Variants in TRAP1 observed in about 807,000 individuals in gnomAD.
TRAP1 encodes the protein heat shock protein 75 kDa, mitochondrial.
TRAP1 carries 102 observed loss-of-function variants against 89.1 expected under a neutral mutation model. The observed-to-expected ratio is 1.15, with a 90% confidence interval of 0.98 to 1.35. TRAP1 has a LOEUF of 1.35. Among genes scored for constraint, TRAP1 ranks in the 40% most tolerant of loss-of-function variants. The pLI is 0.00. For synonymous variants in TRAP1, 508 were observed against 388.0 expected (o/e 1.31, Z -3.64); for missense variants, 1,256 against 945.3 (o/e 1.33, Z -4.31).
chr16:3,682,008 G>A (rs146221070), intron 4 of TRAP1, among the ~76,000 whole-genome samples: 2 of 152,108 alleles, frequency 1.3e-5, no homozygotes, highest in East Asian at 3.9e-4. Context: ...TTTAAGGATC[G>A]ACACATGGAT....
chr16:3,686,108 G>T lies in TRAP1; in HGVS notation c.359C>A (p.Ala120Asp). 1.9e-6 allele frequency: 3 copies of T among 1,614,120 alleles called. No homozygotes were observed. The highest frequency in any genetic ancestry group is 2.5e-6 in the Non-Finnish European group (3 of 1,180,018). ...EVFIRELISN[A>D]SDALEKLRHK... ...ACGCAGTTTTTCCAAGGCATCGCTGGCATTGGAGATCAGCTCCCGTATAAA... is the reference window on the plus strand; with the variant it reads ...ACGCAGTTTTTCCAAGGCATCGCTGTCATTGGAGATCAGCTCCCGTATAAA... Residue 120 changes from alanine to aspartate, a missense_variant, in exon 4 of 18, where the codon GCC (alanine) becomes GAC (aspartate). Physicochemically the swap from Ala to Asp is moderately radical, Grantham distance 126. Coordinates refer to ENST00000246957, the MANE Select transcript of TRAP1 (RefSeq NM_016292.3).
chr16:3,682,318 AG>A (rs2051082684), intron 4 of TRAP1, among the ~76,000 whole-genome samples: 1 of 150,662 alleles, frequency 6.6e-6, no homozygotes, highest in African/African-American at 2.4e-5. Flanking sequence ...TGGAAGGTCA[AG>A]GTGGGAAAAT....
At chr16:3,668,131 C>G (rs1031383780) in intron 11 of TRAP1, among the ~76,000 whole-genome samples, 1 of 151,992 alleles carries the variant, frequency 6.6e-6, no homozygotes, top group Non-Finnish European at 1.5e-5. Context: ...GTTTCACCAT[C>G]TTGGCAGGCT....
chr16:3,717,523 G>A lies in TRAP1; in HGVS notation c.-15C>T, dbSNP rs1161432761. On this transcript the variant is annotated 5_prime_UTR_variant, in exon 1 of 18. Transcript: ENST00000246957. ...TCGCGCGCCATGTCGTACTCCCAGA[G>A]CGCCGCGCGCAGCCACGCGGGACCG... is the stretch of plus-strand genomic sequence containing the variant. 28 of 1,354,932 alleles carry A rather than the reference G, an allele frequency of 2.1e-5. No homozygotes were observed. Among genetic ancestry groups the A allele is most frequent in the Non-Finnish European group, 2.6e-5 (27 of 1,054,734 alleles). 83.9% of individuals were successfully genotyped at this position (1,354,932 alleles called of 1,614,324 possible).
chr16:3,663,945 C>T, intron 13 of TRAP1: 1 of 347,754 alleles, frequency 2.9e-6, no homozygotes, highest in South Asian at 4.0e-5. Flanking sequence ...CACCTGTAGT[C>T]CCAGCTACTC....
chr16:3,712,318 A>AC (rs1268041340), intron 1 of TRAP1, among the ~76,000 whole-genome samples: 1 of 134,060 alleles, frequency 7.5e-6, no homozygotes, highest in Non-Finnish European at 1.6e-5. Flanking sequence ...AAAAAAAAAA[A>AC]AGATATGTCA....
chr16:3,667,708 A>C (rs1289545610), intron 11 of TRAP1, among the ~76,000 whole-genome samples: 2 of 151,490 alleles, frequency 1.3e-5, no homozygotes, highest in African/African-American at 4.8e-5. Flanking sequence ...ATAAAACAGG[A>C]AATCAGCCCA....
At chr16:3,710,268 T>A (rs1301895544) in intron 1 of TRAP1, 1 of 152,160 alleles carries the variant, frequency 6.6e-6, no homozygotes, top group African/African-American at 2.4e-5. Flanking sequence ...ATTCTAACAA[T>A]TTGATGCTAA....
intron 6 of TRAP1, 56 bp from the exon 7 acceptor site, chr16:3,676,201 G>T: frequency 6.7e-7 from 1 of 1,487,300 alleles, no homozygotes; most frequent in Non-Finnish European, 9.3e-7. Context: ...GACATACCCT[G>T]CATGGGACTC....
At chr16:3,712,448 T>G (rs939671689) in intron 1 of TRAP1, among the ~76,000 whole-genome samples, 4 of 151,960 alleles carry the variant, frequency 2.6e-5, no homozygotes, top group Non-Finnish European at 5.9e-5. Context: ...TTCCCACAGT[T>G]TTCTTATCAA....
intron 3 of TRAP1, among the ~76,000 whole-genome samples, chr16:3,688,106 A>G (rs1015486754): frequency 5.9e-5 from 9 of 152,080 alleles, no homozygotes; most frequent in African/African-American, 2.2e-4. Flanking sequence ...AATAATCAGC[A>G]TGTCAACGAT....
intron 17 of TRAP1, 47 bp from the exon 18 acceptor site, chr16:3,658,277 T>TTTCA (rs1243085771): frequency 6.8e-7 from 1 of 1,471,134 alleles, no homozygotes; most frequent in South Asian, 1.2e-5. Context: ...TGGGGCACCT[T>TTTCA]TTCATTTTTT....
Position 3,677,562 on chromosome 16 carries a change from T to TG in TRAP1, c.639dup (p.Arg214GlnfsTer27). ...GCCGAGCGGGAATAGACCTCCACTC[T>TG]GTCAGCCACCATGAAAGCTGAGTAG... On this transcript the variant is annotated frameshift_variant, in exon 6 of 18. Transcript: ENST00000246957. LOFTEE classifies it high-confidence loss of function. 1 of 1,614,156 alleles carries TG rather than the reference T, an allele frequency of 6.2e-7. No individual in the cohort carries two copies.
At chr16:3,673,413 A>T (rs1187662668) in intron 9 of TRAP1, among the ~76,000 whole-genome samples, 1 of 152,172 alleles carries the variant, frequency 6.6e-6, no homozygotes, top group Non-Finnish European at 1.5e-5. Flanking sequence ...CCCTCGTGGA[A>T]CGTGCCTGCC....
Position 3,703,043 on chromosome 16 carries a change from G to GAA in TRAP1, c.89-12060_89-12059dup, listed in dbSNP as rs36093237. 2.9e-3 allele frequency among the ~76,000 whole-genome samples: 128 copies of GAA among 43,450 alleles called. 1 individual carries two copies. The highest frequency in any genetic ancestry group is 6.1e-3 in the South Asian group (7 of 1,142). 28.5% of individuals were successfully genotyped at this position (43,450 alleles called of 152,430 possible). ...GAGAACAAGAGTGAAACTCCGTCTTGAAAAAAAAAAAAAAAAAAAAAAAGC... is the reference window on the plus strand; with the variant it reads ...GAGAACAAGAGTGAAACTCCGTCTTGAAAAAAAAAAAAAAAAAAAAAAAAAGC... On this transcript the variant is annotated intron_variant, in intron 1 of 17. Coordinates refer to ENST00000246957, the MANE Select transcript of TRAP1 (RefSeq NM_016292.3).
intron 11 of TRAP1, among the ~76,000 whole-genome samples, chr16:3,669,110 G>A (rs2050875886): frequency 6.6e-6 from 1 of 152,210 alleles, no homozygotes. Context: ...TGATGGGGAT[G>A]GACAAGGTGG....
At chr16:3,710,753 C>T (rs1489493999) in intron 1 of TRAP1, among the ~76,000 whole-genome samples, 1 of 151,988 alleles carries the variant, frequency 6.6e-6, no homozygotes, top group Non-Finnish European at 1.5e-5. Context: ...GAAGGACCCA[C>T]GTCCTTCTGT....
intron 2 of TRAP1, 150 bp downstream of exon 2, chr16:3,690,677 G>C (rs2051201561): frequency 2.4e-6 from 2 of 849,328 alleles, no homozygotes; most frequent in South Asian, 9.1e-5. Flanking sequence ...GACAGAAATG[G>C]AGGGCGCAGC....
At chr16:3,674,968 G>C (rs1428595605) in intron 8 of TRAP1, 3 of 333,550 alleles carry the variant, frequency 9.0e-6, no homozygotes, top group African/African-American at 4.2e-5. Context: ...GGGAGGGGCA[G>C]TGGGGAAAGG....
Sources: allele counts gnomAD v4.1 joint callset (sites outside exome capture counted in the v4.1 genomes callset), GRCh38; gene constraint gnomAD v4.1.1; transcripts MANE v1.5; gene names NCBI Gene and HGNC (gene_info 2026-07-23, HGNC 2026-07-21).